Variants in CUBN observed in about 807,000 individuals in gnomAD.
CUBN encodes the protein 460 kDa receptor.
A neutral mutation model predicts 405.3 loss-of-function variants in CUBN; 282 were observed. The ratio of observed to expected loss-of-function variants is 0.70; its 90% CI spans 0.63 to 0.77. The LOEUF (loss-of-function observed/expected upper bound fraction) is 0.77, where lower values mean the gene tolerates loss of function less well. Ranked by LOEUF, CUBN falls within the 30% of genes least tolerant of loss-of-function variation. CUBN has a pLI of 0.00. For missense variants in CUBN, 4,514 were observed against 4,475.2 expected, an observed-to-expected ratio of 1.01 and a Z score of -0.25; for synonymous variants, 1,684 against 1,617.0, an observed-to-expected ratio of 1.04 and a Z score of -0.99.
intron 58 of CUBN, among the ~76,000 whole-genome samples, chr10:16,872,357 T>TATATATATATAGATAG (rs980619583): frequency 6.6e-6 from 1 of 151,272 alleles, no homozygotes; most frequent in Admixed American, 6.6e-5. Context: ...TACATATATA[T>TATATATATATAGATAG]ATAGATAGAT....
intron 31 of CUBN, among the ~76,000 whole-genome samples, chr10:16,962,904 A>G (rs149957478): frequency 2.8e-4 from 43 of 152,224 alleles, no homozygotes; most frequent in African/African-American, 1.0e-3. Flanking sequence ...TTCTGGGGTA[A>G]GTCTGCGGGT....
chr10:16,956,199 C>G (rs1444686282), intron 31 of CUBN, among the ~76,000 whole-genome samples: 1 of 152,084 alleles, frequency 6.6e-6, no homozygotes, highest in Non-Finnish European at 1.5e-5. Context: ...GCCCATGAAT[C>G]AAATATCAAT....
chr10:16,950,279 T>C (rs1404513348), intron 33 of CUBN, among the ~76,000 whole-genome samples, 168 bp from the exon 34 acceptor site: 1 of 152,194 alleles, frequency 6.6e-6, no homozygotes, highest in African/African-American at 2.4e-5. Context: ...TAATAACTTA[T>C]TGTACATTTA....
chr10:16,980,284 A>G (rs941531040), intron 31 of CUBN, among the ~76,000 whole-genome samples: 11 of 152,214 alleles, frequency 7.2e-5, no homozygotes, highest in Non-Finnish European at 1.5e-4. Context: ...ACAATGTGGC[A>G]ATTCCTCAAG....
intron 35 of CUBN, 146 bp from the exon 36 acceptor site, chr10:16,947,513 T>C: frequency 2.1e-6 from 2 of 941,350 alleles, no homozygotes; most frequent in Non-Finnish European, 3.3e-6. Context: ...TCATGTCATA[T>C]AAAATAAGGG....
In CUBN at chr10:16,925,366, T is replaced by A; in HGVS notation, c.6521A>T (p.His2174Leu). ...TGATGAAGCATGACTGCCACAAAAA[T>A]GACCATTTCCTCCAGGGGGTCCCAA... ...PPLGPPGGNG[H>L]FCGSHASSTL... Residue 2174 changes from histidine (H) to leucine (L), a missense_variant, in exon 43 of 67, where the codon CAT becomes CTT. Physicochemically the swap from His to Leu is moderately conservative, Grantham distance 99. Transcript: ENST00000377833. 6.2e-7 allele frequency: 1 copy of A among 1,613,966 alleles called. No homozygotes were observed. Among genetic ancestry groups the A allele is most frequent in the South Asian group, 1.1e-5 (1 of 91,088 alleles).
At chr10:17,101,053 C>T (rs1836483436) in intron 13 of CUBN, among the ~76,000 whole-genome samples, 1 of 152,078 alleles carries the variant, frequency 6.6e-6, no homozygotes, top group Non-Finnish European at 1.5e-5. Context: ...TTCATCAGAA[C>T]CTAAAATCAC....
rs552750610 is a variant in CUBN, at chr10:17,020,242, G to T, written c.4018-259C>A. ...TAACTTTTGGTTTTATGTCAACCTA[G>T]CAAGTCCAAAGTATAATTCAGGCTC... is the stretch of plus-strand genomic sequence containing the variant. On this transcript the variant is annotated intron_variant, in intron 27 of 66. Transcript: ENST00000377833. Among the ~76,000 whole-genome samples the T allele has an allele frequency of 2.0e-5, 3 of 152,208 alleles. No homozygotes were observed. The South Asian group carries it at 6.2e-4, about 31-fold the overall frequency.
chr10:17,056,783 G>A (rs1043507097), intron 22 of CUBN, among the ~76,000 whole-genome samples: 7 of 152,094 alleles, frequency 4.6e-5, no homozygotes, highest in African/African-American at 1.7e-4. Flanking sequence ...CCACACACTG[G>A]AAGAAAATAC....
rs1203012335 is a variant in CUBN at position 16,902,227 on chromosome 10, G to GTA, written c.8063-770_8063-769dup. On this transcript the variant is annotated intron_variant, in intron 51 of 66. Coordinates refer to ENST00000377833, the MANE Select transcript of CUBN (RefSeq NM_001081.4). ...ATATTTATATATATAGTATATATAT[G>GTA]TATATATATACTATATATATTTGTA... is the stretch of plus-strand genomic sequence containing the variant. Among the ~76,000 whole-genome samples, 10 of 124,774 alleles carry GTA rather than the reference G, an allele frequency of 8.0e-5. 1 individual carries two copies. Among genetic ancestry groups the GTA allele is most frequent in the Non-Finnish European group, 1.3e-4 (8 of 61,870 alleles). 81.9% of individuals were successfully genotyped at this position (124,774 alleles called of 152,430 possible). A position where few individuals can be genotyped will look rare whatever the true frequency, so the allele number is the denominator to read the frequency against.
At chr10:16,888,848 T>G (rs1840904276) in intron 55 of CUBN, among the ~76,000 whole-genome samples, 1 of 152,168 alleles carries the variant, frequency 6.6e-6, no homozygotes, top group Non-Finnish European at 1.5e-5. Context: ...ATTAAGATAT[T>G]AAGAAAGGAT....
chr10:16,969,992 A>T (rs1342865390), intron 31 of CUBN, among the ~76,000 whole-genome samples: 1 of 152,046 alleles, frequency 6.6e-6, no homozygotes, highest in Non-Finnish European at 1.5e-5. Context: ...TCCTAACTGA[A>T]TCCTCTTCCT....
At chr10:17,089,370 A>C (rs1836200234) in intron 14 of CUBN, among the ~76,000 whole-genome samples, 1 of 152,202 alleles carries the variant, frequency 6.6e-6, no homozygotes, top group Non-Finnish European at 1.5e-5. Flanking sequence ...TTAATGACAA[A>C]ATAAGAAAAA....
At chr10:17,052,074 G>T (rs1273038421) in intron 22 of CUBN, among the ~76,000 whole-genome samples, 2 of 152,086 alleles carry the variant, frequency 1.3e-5, no homozygotes, top group African/African-American at 4.8e-5. Flanking sequence ...ATCACATACA[G>T]GGACATCATG....
chr10:16,838,042 G>A (rs1461682164), intron 62 of CUBN, among the ~76,000 whole-genome samples: 2 of 152,230 alleles, frequency 1.3e-5, no homozygotes, highest in East Asian at 3.9e-4. Flanking sequence ...AGTCCTCTAG[G>A]GTACCAATGG....
intron 31 of CUBN, among the ~76,000 whole-genome samples, chr10:16,957,919 C>G (rs555601317): frequency 8.0e-5 from 12 of 150,300 alleles, no homozygotes; most frequent in Admixed American, 2.6e-4. Flanking sequence ...AGAAAAAACT[C>G]TAAGATTTTG....
chr10:16,851,510 T>A, intron 59 of CUBN, 67 bp from the exon 60 acceptor site: 1 of 1,408,326 alleles, frequency 7.1e-7, no homozygotes, highest in African/African-American at 1.4e-5. Context: ...ACATGGAGGG[T>A]TTTTAAAAAG....
chr10:17,093,985 TG>T (rs1402788232), intron 14 of CUBN, among the ~76,000 whole-genome samples: 4 of 151,978 alleles, frequency 2.6e-5, no homozygotes, highest in Admixed American at 2.6e-4. Flanking sequence ...AGGAAAAAAG[TG>T]GCAATGCAAT....
At chr10:16,922,045 C>T (rs1842048434) in intron 43 of CUBN, among the ~76,000 whole-genome samples, 1 of 152,166 alleles carries the variant, frequency 6.6e-6, no homozygotes. Flanking sequence ...TTATTTTTCT[C>T]CTTGATACCT....
Sources: gnomAD v4.1 joint callset for allele counts (sites outside exome capture counted in the v4.1 genomes callset) on GRCh38, gnomAD v4.1.1 for gene constraint, MANE v1.5 for transcripts, NCBI Gene and HGNC (gene_info 2026-07-23, HGNC 2026-07-21) for gene names.